The following SPPL3 variants were observed in gnomAD, a reference collection of about 807,000 sequenced individuals.
SPPL3 encodes signal peptide peptidase-like 3.
SPPL3 carries 5 observed loss-of-function variants against 42.4 expected under a neutral mutation model. The observed-to-expected ratio is 0.12, with a 90% CI of 0.06 to 0.25. The LOEUF is 0.25. Among genes scored for constraint, SPPL3 ranks in the 10% least tolerant of loss-of-function variants. SPPL3 has a pLI of 1.00. For synonymous variants in SPPL3, 195 were observed against 181.8 expected, an observed-to-expected ratio of 1.07 and a Z score of -0.58; for missense variants, 235 against 489.0, an observed-to-expected ratio of 0.48 and a Z score of 4.90.
At chr12:120,869,129 G>A (rs1872849080) in intron 1 of SPPL3, among the ~76,000 whole-genome samples, 1 of 152,050 alleles carries the variant, frequency 6.6e-6, no homozygotes, top group African/African-American at 2.4e-5. Flanking sequence ...AATACACTAG[G>A]AAATAACATG....
intron 1 of SPPL3, among the ~76,000 whole-genome samples, chr12:120,813,799 G>A (rs1222073533): frequency 2.0e-5 from 3 of 152,068 alleles, no homozygotes; most frequent in Non-Finnish European, 2.9e-5. Context: ...AACCTAACCA[G>A]GGGCTTTACC....
intron 2 of SPPL3, among the ~76,000 whole-genome samples, chr12:120,807,239 C>T (rs996911380): frequency 2.6e-5 from 4 of 152,176 alleles, no homozygotes; most frequent in African/African-American, 9.7e-5. Flanking sequence ...CACCTTACTA[C>T]TAGAATGGCT....
intron 9 of SPPL3, 124 bp downstream of exon 9, chr12:120,767,270 T>C: frequency 9.5e-7 from 1 of 1,047,874 alleles, no homozygotes; most frequent in African/African-American, 1.6e-5. Context: ...AGGCTGTCTA[T>C]TACAGCACCC....
At chr12:120,774,672 C>A (rs1869248860) in intron 6 of SPPL3, among the ~76,000 whole-genome samples, 1 of 151,974 alleles carries the variant, frequency 6.6e-6, no homozygotes, top group Admixed American at 6.6e-5. Context: ...AACACTGCCA[C>A]AAGCAATGTC....
intron 1 of SPPL3, among the ~76,000 whole-genome samples, chr12:120,815,944 G>A (rs3842985): frequency 0.41 from 62,351 of 151,706 alleles, 14,416 homozygotes; most frequent in Middle Eastern, 0.56. Context: ...TGCCCAGGCT[G>A]GTCTCAAACT....
chr12:120,807,984 T>A (rs894808710), intron 2 of SPPL3, among the ~76,000 whole-genome samples: 5 of 151,992 alleles, frequency 3.3e-5, no homozygotes. Flanking sequence ...CTGGAGGTCC[T>A]GAAAACTGTT....
chr12:120,883,965 G>A (rs1219644603), intron 1 of SPPL3, among the ~76,000 whole-genome samples: 1 of 152,116 alleles, frequency 6.6e-6, no homozygotes, highest in Non-Finnish European at 1.5e-5. Flanking sequence ...GCCGGGCGTG[G>A]TGGCGCATGC....
intron 1 of SPPL3, among the ~76,000 whole-genome samples, chr12:120,849,948 C>T (rs191682021): frequency 2.7e-4 from 41 of 152,266 alleles, no homozygotes; most frequent in Admixed American, 7.8e-4. Flanking sequence ...ATAACCATTC[C>T]TAACAGAGTG....
At chr12:120,766,494 G>T in intron 9 of SPPL3, 122 bp from the exon 10 acceptor site, 1 of 699,610 alleles carries the variant, frequency 1.4e-6, no homozygotes. Context: ...TGGTTGGGGT[G>T]TGAAATGCCC....
At chr12:120,786,666 A>G (rs1051589431) in intron 3 of SPPL3, among the ~76,000 whole-genome samples, 4 of 151,998 alleles carry the variant, frequency 2.6e-5, no homozygotes, top group African/African-American at 9.7e-5. Flanking sequence ...TTTTTTTTAA[A>G]CCACAGATTT....
At chr12:120,874,452 C>CAAAAA (rs71076673) in intron 1 of SPPL3, among the ~76,000 whole-genome samples, 2 of 97,414 alleles carry the variant, frequency 2.1e-5, no homozygotes, top group Non-Finnish European at 3.9e-5. Context: ...GACCCTGTCG[C>CAAAAA]AAAAAAAAAA....
chr12:120,844,697 T>G (rs972535466), intron 1 of SPPL3, among the ~76,000 whole-genome samples: 3 of 148,204 alleles, frequency 2.0e-5, no homozygotes, highest in Admixed American at 6.8e-5. Context: ...CTGGCTTTTG[T>G]TTTTTTTTTA....
At chr12:120,875,039 C>G (rs1318524860) in intron 1 of SPPL3, among the ~76,000 whole-genome samples, 1 of 152,122 alleles carries the variant, frequency 6.6e-6, no homozygotes, top group Non-Finnish European at 1.5e-5. Flanking sequence ...AGGTCTGAGC[C>G]AGCATCAACT....
chr12:120,802,445 T>C (rs545647026), intron 2 of SPPL3, among the ~76,000 whole-genome samples: 1 of 139,306 alleles, frequency 7.2e-6, no homozygotes, highest in Non-Finnish European at 1.5e-5. Context: ...TTTTTTTTTT[T>C]CCTTTTTGAG....
chr12:120,767,138 CT>C (rs1241352500), intron 9 of SPPL3, among the ~76,000 whole-genome samples: 1 of 152,238 alleles, frequency 6.6e-6, no homozygotes, highest in African/African-American at 2.4e-5. Flanking sequence ...ATCCACTGCA[CT>C]GTGTGCTGTG....
At position 120,783,716 on chromosome 12, in the gene SPPL3, GGGA is replaced by G. The variant is rs1437000732; in HGVS notation, c.344_346del (p.Leu115del). The G allele has an allele frequency of 1.9e-6, 3 of 1,613,538 alleles. No individual in the cohort carries two copies. Among genetic ancestry groups the G allele is most frequent in the Non-Finnish European group, 1.7e-6 (2 of 1,179,792 alleles). On this transcript the variant is annotated inframe_deletion, in exon 5 of 11. Coordinates refer to ENST00000353487, the MANE Select transcript of SPPL3 (RefSeq NM_139015.5). ...GGGTCTTGTTAAATACTGGCACATC[GGGA>G]GGAGAAGAAAAGCAAAAGCTATCGT...
chr12:120,855,775 T>C (rs1872435032), intron 1 of SPPL3, among the ~76,000 whole-genome samples: 1 of 152,190 alleles, frequency 6.6e-6, no homozygotes, highest in African/African-American at 2.4e-5. Context: ...ACAACCTTTT[T>C]GTTTCTCCTA....
chr12:120,899,744 T>A (rs1192540021), intron 1 of SPPL3, among the ~76,000 whole-genome samples: 1 of 151,442 alleles, frequency 6.6e-6, no homozygotes, highest in Non-Finnish European at 1.5e-5. Context: ...TACAAAAAAA[T>A]TAGCCGGGCA....
At chr12:120,784,693 C>CGTAGGACAT in intron 3 of SPPL3, 100 bp from the exon 4 acceptor site, 1 of 868,968 alleles carries the variant, frequency 1.2e-6, no homozygotes, top group East Asian at 2.8e-5. Flanking sequence ...GACAGTTCTA[C>CGTAGGACAT]GGATTATACG....
Sources: allele counts gnomAD v4.1 joint callset (sites outside exome capture counted in the v4.1 genomes callset), GRCh38; gene constraint gnomAD v4.1.1; transcripts MANE v1.5; gene names NCBI Gene and HGNC (gene_info 2026-07-23, HGNC 2026-07-21).